PPP3CC: variants seen among roughly 807,000 people sequenced by gnomAD.
PPP3CC encodes protein phosphatase 3 catalytic subunit gamma.
PPP3CC carries 35 observed loss-of-function variants against 60.3 expected under a neutral mutation model. The observed-to-expected ratio is 0.58, with a 90% CI of 0.44 to 0.77. PPP3CC has a LOEUF of 0.77. Ranked by LOEUF, PPP3CC falls within the 30% of genes least tolerant of loss-of-function variation. PPP3CC has a pLI of 0.00. For missense variants in PPP3CC, 570 were observed against 628.9 expected, an observed-to-expected ratio of 0.91 and a Z score of 1.00; for synonymous variants, 206 against 224.3, an observed-to-expected ratio of 0.92 and a Z score of 0.73.
intron 9 of PPP3CC, 116 bp from the exon 10 acceptor site, chr8:22,528,387 AATG>A (rs1839615765): frequency 2.0e-6 from 1 of 500,048 alleles, no homozygotes; most frequent in African/African-American, 2.0e-5. Flanking sequence ...TTACTAACAT[AATG>A]ATAAATAATT....
At chr8:22,518,132 A>G (rs1839302970) in intron 6 of PPP3CC, among the ~76,000 whole-genome samples, 2 of 151,264 alleles carry the variant, frequency 1.3e-5, no homozygotes, top group Admixed American at 1.3e-4. Context: ...GCACAATGAT[A>G]CCTCACTGCA....
Position 22,540,779 on chromosome 8 carries a change from C to T in PPP3CC, c.1516C>T (p.Gln506Ter). 6.2e-7 allele frequency: 1 copy of T among 1,612,056 alleles called. No homozygotes were observed. Among genetic ancestry groups the T allele is most frequent in the Non-Finnish European group, 8.5e-7 (1 of 1,179,020 alleles). Residue 506 changes from glutamine (Q) to a stop codon, truncating the protein, a stop_gained, in exon 14 of 14, where the codon CAA becomes TAA. Coordinates refer to ENST00000240139, the MANE Select transcript of PPP3CC (RefSeq NM_005605.5). LOFTEE classifies it high-confidence loss of function. ...AHSHAAHRSD[Q>*]GKKAHS The stretch of plus-strand genomic sequence containing the variant: ...CTCACATGCTGCGCACAGGAGCGAC[C>T]AAGGGAAGAAAGCCCATTCATGACT...
chr8:22,514,595 T>C (rs1451995339), intron 6 of PPP3CC, among the ~76,000 whole-genome samples: 1 of 151,826 alleles, frequency 6.6e-6, no homozygotes, highest in African/African-American at 2.4e-5. Context: ...AAATGAGTTA[T>C]CCATCACCTC....
chr8:22,479,873 G>A (rs1195978377), intron 3 of PPP3CC, among the ~76,000 whole-genome samples: 5 of 152,110 alleles, frequency 3.3e-5, no homozygotes, highest in Non-Finnish European at 7.3e-5. Flanking sequence ...GTTATGTATT[G>A]CTGTTTGAGA....
chr8:22,464,739 C>T (rs563661399), intron 1 of PPP3CC, among the ~76,000 whole-genome samples: 5 of 152,210 alleles, frequency 3.3e-5, no homozygotes, highest in African/African-American at 1.2e-4. Context: ...GTGTTTAGCA[C>T]ATAGACGTAG....
rs113341517 is a variant in PPP3CC, at chr8:22,522,750, G to A, written c.943+1G>A. 1.3e-6 allele frequency: 2 copies of A among 1,551,638 alleles called. No individual in the cohort carries two copies. The highest frequency in any genetic ancestry group is 1.7e-5 in the Admixed American group (1 of 59,522). ...TACCTAGATGTCTATAACAATAAAG[G>A]TAAAGGAATCCAGCAATATTTGAGT... On this transcript the variant is annotated splice_donor_variant, in intron 8 of 13. Coordinates refer to ENST00000240139, the MANE Select transcript of PPP3CC (RefSeq NM_005605.5). LOFTEE classifies it high-confidence loss of function.
chr8:22,513,196 C>T (rs1228388274), intron 5 of PPP3CC, 97 bp from the exon 6 acceptor site: 9 of 1,270,660 alleles, frequency 7.1e-6, no homozygotes, highest in African/African-American at 3.0e-5. Flanking sequence ...CTAATACATT[C>T]TTGTGGGTGA....
chr8:22,478,495 G>T (rs1050343767), intron 3 of PPP3CC, among the ~76,000 whole-genome samples: 1 of 152,144 alleles, frequency 6.6e-6, no homozygotes, highest in African/African-American at 2.4e-5. Flanking sequence ...ATTATCTTCT[G>T]ATTAACTCGT....
chr8:22,514,951 T>A (rs1272276255), intron 6 of PPP3CC, among the ~76,000 whole-genome samples: 1 of 152,200 alleles, frequency 6.6e-6, no homozygotes, highest in East Asian at 1.9e-4. Context: ...GTGCTGGGAT[T>A]ACAGGCATGA....
chr8:22,535,612 C>G (rs2117156589), intron 12 of PPP3CC, among the ~76,000 whole-genome samples: 1 of 152,300 alleles, frequency 6.6e-6, no homozygotes, highest in Middle Eastern at 3.4e-3. Context: ...CCCCCTGCCT[C>G]AGCTACTCGA....
intron 1 of PPP3CC, among the ~76,000 whole-genome samples, chr8:22,473,468 C>T (rs1413440931): frequency 6.8e-6 from 1 of 146,876 alleles, no homozygotes. Flanking sequence ...CCCTTATCCA[C>T]TTTTTTTTTT....
chr8:22,536,719 T>C (rs1422793565), intron 12 of PPP3CC, among the ~76,000 whole-genome samples: 1 of 152,220 alleles, frequency 6.6e-6, no homozygotes, highest in Non-Finnish European at 1.5e-5. Flanking sequence ...TATTTTCACA[T>C]TGGAGTCTCA....
chr8:22,534,814 A>G (rs756267736), intron 12 of PPP3CC, among the ~76,000 whole-genome samples: 5 of 152,272 alleles, frequency 3.3e-5, no homozygotes, highest in Non-Finnish European at 5.9e-5. Flanking sequence ...GACACATGCT[A>G]CAACATGGTT....
chr8:22,517,463 G>T (rs754627280), intron 6 of PPP3CC, among the ~76,000 whole-genome samples: 1 of 152,004 alleles, frequency 6.6e-6, no homozygotes, highest in Non-Finnish European at 1.5e-5. Context: ...ATGATTAATA[G>T]AATTCACCCA....
At position 22,475,570 on chromosome 8, in the gene PPP3CC, C is replaced by CA. The variant is rs1252119508; in HGVS notation, c.319dup (p.Thr107AsnfsTer8). ...TTGAAGTTGGAGGATCACCTAGTAA[C>CA]ACACGCTACCTCTTTCTGGGTGACT... On this transcript the variant is annotated frameshift_variant, in exon 3 of 14. Coordinates refer to ENST00000240139, the MANE Select transcript of PPP3CC (RefSeq NM_005605.5). LOFTEE classifies it high-confidence loss of function. 1 of 1,612,810 alleles carries CA rather than the reference C, an allele frequency of 6.2e-7. No homozygotes were observed. The highest frequency in any genetic ancestry group is 8.5e-7 in the Non-Finnish European group (1 of 1,179,060).
intron 6 of PPP3CC, among the ~76,000 whole-genome samples, chr8:22,520,878 T>C (rs1839387748): frequency 6.6e-6 from 1 of 152,226 alleles, no homozygotes; most frequent in African/African-American, 2.4e-5. Flanking sequence ...TTATAATTCA[T>C]ATAGCCTTGC....
chr8:22,477,482 A>G (rs80172109), intron 3 of PPP3CC, among the ~76,000 whole-genome samples: 19 of 146,088 alleles, frequency 1.3e-4, no homozygotes, highest in East Asian at 2.0e-4. Context: ...TCAAAAAAAA[A>G]AAAGAAAGAA....
intron 6 of PPP3CC, among the ~76,000 whole-genome samples, chr8:22,520,329 C>A (rs1407932087): frequency 2.0e-5 from 3 of 152,044 alleles, no homozygotes; most frequent in Admixed American, 6.6e-5. Context: ...GACCTTTGGG[C>A]TTCATGAATT....
chr8:22,519,931 CAG>C lies in PPP3CC; in HGVS notation c.771-2559_771-2558del, dbSNP rs1839360287. On this transcript the variant is annotated intron_variant, in intron 6 of 13. Coordinates refer to ENST00000240139, the MANE Select transcript of PPP3CC (RefSeq NM_005605.5). ...TCAGCTTCCCAGAGTGCTGGGATTACAGGCACGAGCCACTGTGGCCAGCTGCA... is the reference window on the plus strand; with the variant it reads ...TCAGCTTCCCAGAGTGCTGGGATTACGCACGAGCCACTGTGGCCAGCTGCA... 8.2e-5 allele frequency among the ~76,000 whole-genome samples: 10 copies of C among 121,616 alleles called. No individual in the cohort carries two copies. In the South Asian group the frequency reaches 2.8e-3, roughly 34 times the overall value. 79.8% of individuals were successfully genotyped at this position (121,616 alleles called of 152,430 possible). A position where few individuals can be genotyped will look rare whatever the true frequency, so the allele number is the denominator to read the frequency against.
Sources: allele counts gnomAD v4.1 joint callset (sites outside exome capture counted in the v4.1 genomes callset), GRCh38; gene constraint gnomAD v4.1.1; transcripts MANE v1.5; gene names NCBI Gene and HGNC (gene_info 2026-07-23, HGNC 2026-07-21).